TSHR: variants seen among roughly 807,000 people sequenced by gnomAD.
TSHR encodes thyroid stimulating hormone receptor.
In TSHR, 51 loss-of-function variants were observed where a neutral mutation model predicts 64.1. The ratio of observed to expected loss-of-function variants is 0.80; its 90% confidence interval spans 0.64 to 1.01. The LOEUF is 1.01. Among genes scored for constraint, TSHR ranks in the 50% least tolerant of loss-of-function variants. TSHR has a pLI of 0.00. For synonymous variants in TSHR, 361 were observed against 361.9 expected, an observed-to-expected ratio of 1.00 and a Z score of 0.03; for missense variants, 877 against 942.8, an observed-to-expected ratio of 0.93 and a Z score of 0.91.
intron 1 of TSHR, chr14:80,994,839 C>G (rs1888925413): frequency 6.7e-6 from 1 of 150,100 alleles, no homozygotes; most frequent in Admixed American, 6.6e-5. Context: ...TCATGACAAA[C>G]ATGCCAAAAG....
At chr14:80,967,538 G>A (rs1304612319) in intron 1 of TSHR, among the ~76,000 whole-genome samples, 4 of 151,980 alleles carry the variant, frequency 2.6e-5, no homozygotes, top group Non-Finnish European at 4.4e-5. Context: ...GGCCGCCTCG[G>A]CCTCCCAAAA....
intron 3 of TSHR, among the ~76,000 whole-genome samples, chr14:81,077,006 C>A (rs901875838): frequency 6.6e-6 from 1 of 152,028 alleles, no homozygotes; most frequent in Non-Finnish European, 1.5e-5. Context: ...CATGCTTTTG[C>A]CTCTGCCTAG....
intron 1 of TSHR, chr14:81,050,308 T>G (rs1160045620): frequency 6.6e-6 from 1 of 152,200 alleles, no homozygotes; most frequent in Non-Finnish European, 1.5e-5. Flanking sequence ...AAGGTCATTT[T>G]TTGTATGAAA....
intron 6 of TSHR, 96 bp from the exon 7 acceptor site, chr14:81,096,543 A>G: frequency 1.6e-6 from 2 of 1,275,056 alleles, no homozygotes; most frequent in Non-Finnish European, 2.3e-6. Context: ...CTTTATGTAC[A>G]TTTATGACAC....
intron 3 of TSHR, among the ~76,000 whole-genome samples, chr14:81,086,582 A>T (rs1888301372): frequency 6.6e-6 from 1 of 152,202 alleles, no homozygotes. Context: ...AATATTATTT[A>T]ATCCTCACAA....
chr14:80,999,917 A>G (rs1889218102), intron 1 of TSHR, among the ~76,000 whole-genome samples: 1 of 138,822 alleles, frequency 7.2e-6, no homozygotes, highest in Admixed American at 7.4e-5. Context: ...AGACTACCAA[A>G]TTTTTTTTCT....
chr14:80,983,659 A>G, intron 1 of TSHR: 1 of 756,592 alleles, frequency 1.3e-6, no homozygotes, highest in Non-Finnish European at 2.1e-6. Context: ...GAGATAGAAC[A>G]CTTTGAACCA....
rs76526876 is a variant in TSHR, at chr14:81,096,513, A to G, written c.546-126A>G. ...ACTGGAAAGTTTTCTTGTGGGATAC[A>G]TATGTGGGACCTGAAAAACCTTTAT... On this transcript the variant is annotated intron_variant, in intron 6 of 9. Transcript: ENST00000298171. The G allele has an allele frequency of 9.0e-4, 795 of 879,424 alleles. 6 individuals carry two copies. In the African/African-American group the frequency reaches 0.012, roughly 13 times the overall value. 54.5% of individuals were successfully genotyped at this position (879,424 alleles called of 1,614,324 possible). A position where few individuals can be genotyped will look rare whatever the true frequency, so the allele number is the denominator to read the frequency against.
At chr14:80,971,190 T>C (rs1221669491) in intron 1 of TSHR, among the ~76,000 whole-genome samples, 1 of 152,162 alleles carries the variant, frequency 6.6e-6, no homozygotes, top group East Asian at 1.9e-4. Context: ...TGAATCTTTG[T>C]GGGATTTATC....
chr14:81,039,768 T>A (rs1279988157), intron 1 of TSHR, among the ~76,000 whole-genome samples: 1 of 151,878 alleles, frequency 6.6e-6, no homozygotes, highest in Non-Finnish European at 1.5e-5. Flanking sequence ...ACCAAGAAGG[T>A]GAAAAATTTC....
chr14:81,123,725 T>A (rs1315792862), intron 8 of TSHR, among the ~76,000 whole-genome samples: 1 of 152,206 alleles, frequency 6.6e-6, no homozygotes, highest in Admixed American at 6.5e-5. Flanking sequence ...CAAAAGATAA[T>A]CTAATTTAAA....
At chr14:81,084,019 C>T (rs2139955313) in intron 3 of TSHR, among the ~76,000 whole-genome samples, 1 of 152,264 alleles carries the variant, frequency 6.6e-6, no homozygotes, top group South Asian at 2.1e-4. Context: ...AGGTCCCTCC[C>T]CCAACACGTG....
chr14:81,121,742 G>A (rs997237038), intron 8 of TSHR, among the ~76,000 whole-genome samples: 1 of 152,036 alleles, frequency 6.6e-6, no homozygotes, highest in African/African-American at 2.4e-5. Context: ...GGGAGTTTGA[G>A]GTCGGCTTAG....
At chr14:81,053,367 GT>G (rs1885546422) in intron 1 of TSHR, 1 of 152,172 alleles carries the variant, frequency 6.6e-6, no homozygotes, top group Non-Finnish European at 1.5e-5. Context: ...ACGAAATAAT[GT>G]TTAAGCAAAT....
intron 1 of TSHR, among the ~76,000 whole-genome samples, chr14:80,959,671 C>T (rs370376049): frequency 1.1e-4 from 16 of 152,172 alleles, no homozygotes; most frequent in Admixed American, 2.0e-4. Context: ...TGGGTTTCGA[C>T]GAAGTAAGTG....
chr14:80,967,577 G>T (rs896502755), intron 1 of TSHR, among the ~76,000 whole-genome samples: 1 of 151,998 alleles, frequency 6.6e-6, no homozygotes, highest in South Asian at 2.1e-4. Flanking sequence ...AAGCCACCCC[G>T]CCCGGCCCTG....
intron 1 of TSHR, chr14:81,049,713 G>A (rs886323277): frequency 6.6e-6 from 1 of 152,208 alleles, no homozygotes; most frequent in Non-Finnish European, 1.5e-5. Flanking sequence ...CGTGTCAAGG[G>A]AGAGATCTGG....
chr14:80,969,959 G>A (rs992308087), intron 1 of TSHR, among the ~76,000 whole-genome samples: 7 of 152,156 alleles, frequency 4.6e-5, no homozygotes, highest in African/African-American at 1.2e-4. Context: ...CCCTTGCCAC[G>A]GTTCTTTCTC....
intron 8 of TSHR, among the ~76,000 whole-genome samples, chr14:81,133,082 G>A (rs1891317177): frequency 6.6e-6 from 1 of 152,190 alleles, no homozygotes; most frequent in Admixed American, 6.5e-5. Context: ...ATGTGGCTCA[G>A]TACTCAACAA....
Sources: gnomAD v4.1 joint callset for allele counts (sites outside exome capture counted in the v4.1 genomes callset) on GRCh38, gnomAD v4.1.1 for gene constraint, MANE v1.5 for transcripts, NCBI Gene and HGNC (gene_info 2026-07-23, HGNC 2026-07-21) for gene names.